ANKS1B: variants seen among roughly 807,000 people sequenced by gnomAD.
ANKS1B encodes the protein ankyrin repeat and sterile alpha motif domain containing 1B, also known as ankyrin repeat and sterile alpha motif domain-containing protein 1B.
In ANKS1B, 36 loss-of-function variants were observed where a neutral mutation model predicts 148.3. The observed-to-expected ratio is 0.24, with a 90% CI of 0.19 to 0.32. The LOEUF (loss-of-function observed/expected upper bound fraction) is 0.32. ANKS1B is among the 10% of genes least tolerant of loss of function. The pLI is 1.00. For missense variants in ANKS1B, 1,157 were observed against 1,542.6 expected (o/e 0.75, Z 4.19); for synonymous variants, 542 against 560.8 (o/e 0.97, Z 0.47).
intron 15 of ANKS1B, among the ~76,000 whole-genome samples, chr12:99,106,617 T>C (rs148959943): frequency 5.9e-5 from 9 of 152,358 alleles, no homozygotes; most frequent in African/African-American, 1.9e-4. Flanking sequence ...TTATGGGATA[T>C]ATGTGATATC....
At chr12:99,225,366 G>T (rs2085745791) in intron 14 of ANKS1B, among the ~76,000 whole-genome samples, 1 of 152,106 alleles carries the variant, frequency 6.6e-6, no homozygotes, top group African/African-American at 2.4e-5. Context: ...GAAGCTCAGA[G>T]TCAAGTTGTA....
intron 24 of ANKS1B, among the ~76,000 whole-genome samples, chr12:98,774,481 T>C (rs542383141): frequency 6.6e-6 from 1 of 152,260 alleles, no homozygotes; most frequent in Non-Finnish European, 1.5e-5. Flanking sequence ...TAGAAACTTC[T>C]TTTGATACAT....
rs143579154 is a variant in ANKS1B, at chr12:99,686,987, C to G, written c.1129-31777G>C. 8.4e-4 allele frequency among the ~76,000 whole-genome samples: 128 copies of G among 152,186 alleles called. 1 individual carries two copies. Among genetic ancestry groups the G allele is most frequent in the Admixed American group, 2.3e-3 (35 of 15,286 alleles). ...CATCTGATATCATTTTTGCCTTTTG[C>G]CTGGATAACTTCCTTTAATCTTTCT... is the stretch of plus-strand genomic sequence containing the variant. On this transcript the variant is annotated intron_variant, in intron 8 of 26. Transcript: ENST00000683438.
intron 15 of ANKS1B, chr12:99,097,366 G>A (rs1169830743): frequency 6.6e-6 from 1 of 152,014 alleles, no homozygotes; most frequent in Non-Finnish European, 1.5e-5. Context: ...ATCCAGGACT[G>A]TCAGTTGAGA....
At chr12:99,089,554 T>G (rs1460750619) in intron 15 of ANKS1B, among the ~76,000 whole-genome samples, 4 of 152,186 alleles carry the variant, frequency 2.6e-5, no homozygotes, top group Non-Finnish European at 5.9e-5. Context: ...TTAGAGACAT[T>G]GAAACTTTAG....
At chr12:99,854,186 G>C (rs750590022) in intron 1 of ANKS1B, among the ~76,000 whole-genome samples, 1 of 152,000 alleles carries the variant, frequency 6.6e-6, no homozygotes, top group Admixed American at 6.5e-5. Flanking sequence ...TAATTTTTTT[G>C]TATCTTTAGT....
At chr12:99,948,222 A>C (rs2095120648) in intron 1 of ANKS1B, among the ~76,000 whole-genome samples, 2 of 152,172 alleles carry the variant, frequency 1.3e-5, no homozygotes, top group South Asian at 2.1e-4. Context: ...AAAAAGATCC[A>C]AAAGCGAAAA....
intron 17 of ANKS1B, among the ~76,000 whole-genome samples, chr12:98,966,912 A>C (rs2099878513): frequency 7.0e-6 from 1 of 142,092 alleles, no homozygotes; most frequent in African/African-American, 2.6e-5. Flanking sequence ...GGGGGGAGGG[A>C]TAACAGTAGG....
intron 10 of ANKS1B, among the ~76,000 whole-genome samples, chr12:99,446,306 A>G (rs2095637401): frequency 6.6e-6 from 1 of 152,074 alleles, no homozygotes; most frequent in Non-Finnish European, 1.5e-5. Context: ...GAATGAGTGA[A>G]AGGAAGTTTT....
At chr12:99,337,303 A>G (rs2089096915) in intron 12 of ANKS1B, among the ~76,000 whole-genome samples, 1 of 151,946 alleles carries the variant, frequency 6.6e-6, no homozygotes, top group South Asian at 2.1e-4. Flanking sequence ...ATTCTTTGGT[A>G]TGTCAACTGA....
At chr12:99,088,207 T>C (rs962222945) in intron 15 of ANKS1B, among the ~76,000 whole-genome samples, 1 of 152,210 alleles carries the variant, frequency 6.6e-6, no homozygotes, top group Non-Finnish European at 1.5e-5. Context: ...TATCTTTTTC[T>C]ATAATACATA....
chr12:99,772,006 T>A (rs981751106), intron 8 of ANKS1B, among the ~76,000 whole-genome samples: 4 of 152,170 alleles, frequency 2.6e-5, no homozygotes, highest in Non-Finnish European at 5.9e-5. Flanking sequence ...GTATGATATA[T>A]CTGTAACAAA....
chr12:98,982,729 T>G (rs1017957020), intron 17 of ANKS1B, among the ~76,000 whole-genome samples: 3 of 152,244 alleles, frequency 2.0e-5, no homozygotes, highest in African/African-American at 7.2e-5. Context: ...AATCATAGTT[T>G]GTATAAACTT....
At chr12:99,667,679 T>C (rs1437988249) in intron 8 of ANKS1B, among the ~76,000 whole-genome samples, 1 of 152,228 alleles carries the variant, frequency 6.6e-6, no homozygotes, top group East Asian at 1.9e-4. Context: ...TGAAGTATAA[T>C]GTTAGTTAGC....
At chr12:98,898,208 TAAAC>T (rs1260953762) in intron 17 of ANKS1B, among the ~76,000 whole-genome samples, 1 of 152,048 alleles carries the variant, frequency 6.6e-6, no homozygotes, top group Non-Finnish European at 1.5e-5. Context: ...AAATAAAAAA[TAAAC>T]AGCTGTTAAT....
At chr12:99,813,593 T>C (rs139316518) in intron 2 of ANKS1B, among the ~76,000 whole-genome samples, 405 of 151,600 alleles carry the variant, frequency 2.7e-3, no homozygotes, top group African/African-American at 8.7e-3. Flanking sequence ...TATGATATGA[T>C]ACAAAATTAT....
chr12:98,984,855 A>T (rs549338731), intron 17 of ANKS1B, among the ~76,000 whole-genome samples: 2 of 152,158 alleles, frequency 1.3e-5, no homozygotes, highest in South Asian at 2.1e-4. Context: ...GCAAAAAATT[A>T]AAAAAATTAG....
chr12:99,648,318 C>T lies in ANKS1B; in HGVS notation c.1272+6749G>A, dbSNP rs151145389. The T allele has an allele frequency of 2.7e-5, 43 of 1,614,120 alleles. No homozygotes were observed. The South Asian group carries it at 3.2e-4, about 12-fold the overall frequency. ...TCAGGTATGCACCCATGTTTGAGAG[C>T]GACTTTATCCAGATCAGCAAAAGAG... On this transcript the variant is annotated intron_variant, in intron 9 of 26. Coordinates refer to ENST00000683438, the MANE Select transcript of ANKS1B (RefSeq NM_001352186.2).
intron 17 of ANKS1B, among the ~76,000 whole-genome samples, chr12:99,019,938 T>C (rs1373257990): frequency 6.6e-6 from 1 of 152,202 alleles, no homozygotes; most frequent in African/African-American, 2.4e-5. Context: ...CTATGGGTCA[T>C]ACTGTTGTGA....
Sources: gnomAD v4.1 joint callset for allele counts (sites outside exome capture counted in the v4.1 genomes callset) on GRCh38, gnomAD v4.1.1 for gene constraint, MANE v1.5 for transcripts, NCBI Gene and HGNC (gene_info 2026-07-23, HGNC 2026-07-21) for gene names.